The following MOXD1 variants were observed in gnomAD, a reference collection of about 807,000 sequenced individuals.
The protein encoded by MOXD1 is DBH-like monooxygenase protein 1.
Under a neutral mutation model 66.6 loss-of-function variants are expected in MOXD1, and 62 were observed. That is an observed-to-expected ratio of 0.93 (90% CI 0.76 to 1.15). The LOEUF is 1.15. MOXD1 is among the 50% of genes most tolerant of loss of function. MOXD1 has a pLI of 0.00. For synonymous variants in MOXD1, 303 were observed against 281.9 expected, an observed-to-expected ratio of 1.07 and a Z score of -0.75; for missense variants, 847 against 754.6, an observed-to-expected ratio of 1.12 and a Z score of -1.44.
chr6:132,350,475 T>C (rs1295376364), intron 4 of MOXD1, among the ~76,000 whole-genome samples: 1 of 152,206 alleles, frequency 6.6e-6, no homozygotes, highest in Non-Finnish European at 1.5e-5. Flanking sequence ...TTCTGTTCCA[T>C]TGGTCTATGT....
rs1465832490 is a variant in MOXD1, at chr6:132,325,610, T to C, written c.947-1513A>G. Among the ~76,000 whole-genome samples the C allele has an allele frequency of 2.6e-5, 4 of 152,326 alleles. No homozygotes were observed. The East Asian group carries it at 5.8e-4, about 22-fold the overall frequency. On this transcript the variant is annotated intron_variant, in intron 6 of 11. Transcript: ENST00000367963. ...TCTCAGCATCCAGAACTGTGAGGAATAAATTTCTGTTCATTATAAATTACC... is the reference window on the plus strand; with the variant it reads ...TCTCAGCATCCAGAACTGTGAGGAACAAATTTCTGTTCATTATAAATTACC...
chr6:132,399,898 T>A (rs945289458), intron 1 of MOXD1, among the ~76,000 whole-genome samples: 1 of 152,226 alleles, frequency 6.6e-6, no homozygotes, highest in Non-Finnish European at 1.5e-5. Flanking sequence ...ATAAAGTTAA[T>A]GTCTGAGATG....
chr6:132,298,677 C>T lies in MOXD1; in HGVS notation c.1509-722G>A, dbSNP rs1393802291. On this transcript the variant is annotated intron_variant, in intron 10 of 11. Coordinates refer to ENST00000367963, the MANE Select transcript of MOXD1 (RefSeq NM_015529.4). The stretch of plus-strand genomic sequence containing the variant: ...AAACATGAAAAAATGCTCCACATCA[C>T]TAATAATCATCAGAAAAATGCAAAT... Among the ~76,000 whole-genome samples, 6 of 152,050 alleles carry T rather than the reference C, an allele frequency of 3.9e-5. No homozygotes were observed. The East Asian group carries it at 1.2e-3, about 29-fold the overall frequency.
intron 4 of MOXD1, among the ~76,000 whole-genome samples, chr6:132,370,540 G>A (rs189112526): frequency 1.0e-3 from 159 of 152,064 alleles, no homozygotes; most frequent in South Asian, 6.4e-3. Flanking sequence ...AGCAAGATAA[G>A]GAATCTATCC....
At chr6:132,394,278 A>G (rs1582614307) in intron 1 of MOXD1, among the ~76,000 whole-genome samples, 1 of 152,214 alleles carries the variant, frequency 6.6e-6, no homozygotes, top group Non-Finnish European at 1.5e-5. Context: ...AAAGTGCCCT[A>G]CCCAGCCAAC....
At chr6:132,393,910 C>A (rs939945849) in intron 1 of MOXD1, among the ~76,000 whole-genome samples, 2 of 152,230 alleles carry the variant, frequency 1.3e-5, no homozygotes, top group Non-Finnish European at 2.9e-5. Flanking sequence ...TTGCCCAGTT[C>A]ATCATGGACA....
intron 4 of MOXD1, among the ~76,000 whole-genome samples, chr6:132,371,786 C>G (rs1389545791): frequency 2.0e-5 from 3 of 152,164 alleles, no homozygotes; most frequent in Non-Finnish European, 2.9e-5. Flanking sequence ...TTATCCACAT[C>G]GCTTCATTAC....
chr6:132,333,883 G>A (rs1202162563), intron 4 of MOXD1, among the ~76,000 whole-genome samples: 1 of 152,174 alleles, frequency 6.6e-6, no homozygotes, highest in Non-Finnish European at 1.5e-5. Context: ...GACAGAAAGG[G>A]AAAGACTTCA....
At position 132,376,746 on chromosome 6, in the gene MOXD1, C is replaced by A. The variant is rs1375405878; in HGVS notation, c.265-1969G>T. Among the ~76,000 whole-genome samples, 6 of 61,058 alleles carry A rather than the reference C, an allele frequency of 9.8e-5. 1 individual carries two copies. Among genetic ancestry groups the A allele is most frequent in the African/African-American group, 1.5e-3 (2 of 1,344 alleles). 40.1% of individuals were successfully genotyped at this position (61,058 alleles called of 152,430 possible). A position where few individuals can be genotyped will look rare whatever the true frequency, so the allele number is the denominator to read the frequency against. On this transcript the variant is annotated intron_variant, in intron 1 of 11. Transcript: ENST00000367963. ...GCCAGGATGGTCTCGATCTCCTGAC[C>A]TCGTGATCCGCCCGCCTCGGCCTCC...
intron 4 of MOXD1, among the ~76,000 whole-genome samples, chr6:132,361,743 T>C (rs1776022163): frequency 1.3e-5 from 2 of 152,098 alleles, no homozygotes; most frequent in South Asian, 2.1e-4. Flanking sequence ...AAAAATACAA[T>C]AATAGCTCAA....
At chr6:132,348,605 G>T (rs1775715659) in intron 4 of MOXD1, among the ~76,000 whole-genome samples, 1 of 152,122 alleles carries the variant, frequency 6.6e-6, no homozygotes, top group African/African-American at 2.4e-5. Flanking sequence ...ACATTAAAAT[G>T]GATGTACATA....
rs373260587 is a variant in MOXD1, at chr6:132,324,072, C to A, written c.972G>T (p.Arg324Ser). The change falls in exon 7 of 12, where the codon AGG becomes AGT. Residue 324 changes from arginine to serine, a missense_variant. Transcript: ENST00000367963. ...EEGLIDNSGLRLFYTMDIRKY... is the reference protein window; with the variant it reads ...EEGLIDNSGLSLFYTMDIRKY... ...TCCTTATATCCATTGTGTAAAATAA[C>A]CTCAGTCCAGAATTATCTATTAAGC... 8 of 1,613,606 alleles carry A rather than the reference C, an allele frequency of 5.0e-6. No homozygotes were observed. The highest frequency in any genetic ancestry group is 6.8e-6 in the Non-Finnish European group (8 of 1,179,774).
intron 7 of MOXD1, among the ~76,000 whole-genome samples, chr6:132,323,654 G>A (rs1444670866): frequency 1.3e-5 from 2 of 152,070 alleles, no homozygotes; most frequent in Non-Finnish European, 2.9e-5. Context: ...GGTTGAAATT[G>A]TAAAAGATGA....
At position 132,372,942 on chromosome 6, in the gene MOXD1, C is replaced by T. The variant is rs1166093125; in HGVS notation, c.467G>A (p.Gly156Asp). The T allele has an allele frequency of 6.2e-7, 1 of 1,613,956 alleles. No homozygotes were observed. Residue 156 changes from glycine (G) to aspartate (D), a missense_variant, in exon 3 of 12, where the codon GGT becomes GAT. Coordinates refer to ENST00000367963, the MANE Select transcript of MOXD1 (RefSeq NM_015529.4). The part of the protein sequence containing the change: ...AYHHEDAGEA[G>D]PKYHDSNRGT... ...CCTATTGGAGTCATGGTACTTGGGACCAGCTTCTCCTGCATCTTCATGGTG... is the reference window on the plus strand; with the variant it reads ...CCTATTGGAGTCATGGTACTTGGGATCAGCTTCTCCTGCATCTTCATGGTG...
chr6:132,359,455 G>A (rs1775969925), intron 4 of MOXD1, among the ~76,000 whole-genome samples: 2 of 149,992 alleles, frequency 1.3e-5, no homozygotes, highest in African/African-American at 2.4e-5. Flanking sequence ...TAGAGAATAT[G>A]ATACAAATTG....
chr6:132,375,236 G>T (rs1776354209), intron 1 of MOXD1, among the ~76,000 whole-genome samples: 1 of 152,170 alleles, frequency 6.6e-6, no homozygotes, highest in South Asian at 2.1e-4. Flanking sequence ...AAAGCAAAGA[G>T]ATCCGTGGGC....
At chr6:132,373,725 A>G (rs1044694803) in intron 2 of MOXD1, among the ~76,000 whole-genome samples, 13 of 152,226 alleles carry the variant, frequency 8.5e-5, no homozygotes, top group African/African-American at 2.7e-4. Context: ...AAATTGTTCA[A>G]TCCTCTCACA....
intron 4 of MOXD1, among the ~76,000 whole-genome samples, chr6:132,350,865 TTTTTTG>T (rs1279777015): frequency 6.6e-6 from 1 of 152,090 alleles, no homozygotes; most frequent in Non-Finnish European, 1.5e-5. Context: ...TATTTCTAAG[TTTTTTG>T]TTTTTGTTTT....
intron 10 of MOXD1, among the ~76,000 whole-genome samples, chr6:132,300,213 A>C (rs189271446): frequency 1.3e-5 from 2 of 152,266 alleles, no homozygotes; most frequent in East Asian, 3.9e-4. Context: ...TGCATTACAT[A>C]AACATACCTA....
Sources: gnomAD v4.1 joint callset for allele counts (sites outside exome capture counted in the v4.1 genomes callset) on GRCh38, gnomAD v4.1.1 for gene constraint, MANE v1.5 for transcripts, NCBI Gene and HGNC (gene_info 2026-07-23, HGNC 2026-07-21) for gene names.